The following DLC1 variants were observed in gnomAD, a reference collection of about 807,000 sequenced individuals.
DLC1 encodes rho GTPase-activating protein 7.
In DLC1, 54 loss-of-function variants were observed where a neutral mutation model predicts 140.3. The observed-to-expected ratio is 0.38, with a 90% confidence interval of 0.31 to 0.48. DLC1 has a LOEUF of 0.48. Among genes scored for constraint, DLC1 ranks in the 20% least tolerant of loss-of-function variants. DLC1 has a pLI of 0.96. For synonymous variants in DLC1, 986 were observed against 728.1 expected (o/e 1.35, Z -5.70); for missense variants, 2,536 against 1,907.0 (o/e 1.33, Z -6.14).
chr8:13,092,677 C>G lies in DLC1; in HGVS notation c.3675G>C (p.Leu1225=), dbSNP rs749871608. The G allele has an allele frequency of 6.2e-7, 1 of 1,614,136 alleles. No individual in the cohort carries two copies. The highest frequency in any genetic ancestry group is 2.2e-5 in the East Asian group (1 of 44,868). ...AGAGGGAAGGCGCTAAGCACACGGC[C>G]AGGTTGGTTGGGGTCATCTGGTTTT... The part of the protein sequence containing the change: ...VKENQMTPTN[L]AVCLAPSLFH... Residue 1225 remains leucine, a synonymous_variant, in exon 13 of 18, where the codon CTG becomes CTC. Transcript: ENST00000276297.
In DLC1 at chr8:13,442,709, T is replaced by C. The variant is rs184521171; in HGVS notation, c.1024-41090A>G. Among the ~76,000 whole-genome samples, 6 of 152,250 alleles carry C rather than the reference T, an allele frequency of 3.9e-5. No homozygotes were observed. The East Asian group carries it at 9.6e-4, about 24-fold the overall frequency. ...TCATTAAAAAGTCAGGAAACAACAG[T>C]GCTGGAGAGGATGTGGAGATATAGG... is the stretch of plus-strand genomic sequence containing the variant. On this transcript the variant is annotated intron_variant, in intron 2 of 17. Coordinates refer to ENST00000276297, the MANE Select transcript of DLC1 (RefSeq NM_182643.3).
intron 5 of DLC1, among the ~76,000 whole-genome samples, chr8:13,130,951 G>T (rs1822023386): frequency 6.6e-6 from 1 of 152,184 alleles, no homozygotes; most frequent in African/African-American, 2.4e-5. Flanking sequence ...GTATGCATCT[G>T]CGCTCAGGCC....
chr8:13,417,315 C>T (rs1012771377), intron 2 of DLC1, among the ~76,000 whole-genome samples: 5 of 151,662 alleles, frequency 3.3e-5, no homozygotes, highest in Admixed American at 6.6e-5. Context: ...CCCATTAACT[C>T]GTCATTTAGC....
chr8:13,550,716 G>A (rs1274046933), intron 1 of DLC1, among the ~76,000 whole-genome samples: 3 of 151,970 alleles, frequency 2.0e-5, no homozygotes, highest in Non-Finnish European at 2.9e-5. Flanking sequence ...CTGAATGGAC[G>A]AATCATTTAA....
At chr8:13,109,354 C>T (rs950503474) in intron 7 of DLC1, among the ~76,000 whole-genome samples, 7 of 151,568 alleles carry the variant, frequency 4.6e-5, no homozygotes, top group African/African-American at 1.7e-4. Context: ...CCCAGGAGTT[C>T]AAGACCAGCC....
intron 1 of DLC1, among the ~76,000 whole-genome samples, chr8:13,582,710 C>A (rs965526130): frequency 3.3e-5 from 5 of 150,958 alleles, no homozygotes; most frequent in African/African-American, 1.2e-4. Flanking sequence ...TTTTTCCATT[C>A]ATTCTGTCCC....
At chr8:13,585,620 T>A (rs73563461) in intron 1 of DLC1, among the ~76,000 whole-genome samples, 5,153 of 152,232 alleles carry the variant, frequency 0.034, 141 homozygotes, top group East Asian at 0.14. Flanking sequence ...GAAATTGAGG[T>A]ATCACCAGGG....
At chr8:13,589,128 G>A (rs1014891386) in intron 1 of DLC1, among the ~76,000 whole-genome samples, 3 of 152,084 alleles carry the variant, frequency 2.0e-5, no homozygotes, top group South Asian at 4.1e-4. Flanking sequence ...TTAACCACAC[G>A]ATCCATATTC....
chr8:13,538,529 C>A (rs1002859396), intron 1 of DLC1, among the ~76,000 whole-genome samples: 14 of 151,948 alleles, frequency 9.2e-5, no homozygotes, highest in African/African-American at 3.4e-4. Context: ...TGGCTCGGTT[C>A]TTTGGCTTCA....
chr8:13,389,475 G>A (rs990702064), intron 4 of DLC1, among the ~76,000 whole-genome samples: 2 of 152,068 alleles, frequency 1.3e-5, no homozygotes, highest in African/African-American at 4.8e-5. Flanking sequence ...CAATTTAGGA[G>A]AGAAATTGAT....
At chr8:13,321,607 T>G (rs1163131669) in intron 4 of DLC1, among the ~76,000 whole-genome samples, 1 of 142,372 alleles carries the variant, frequency 7.0e-6, no homozygotes, top group Non-Finnish European at 1.5e-5. Context: ...GTAAAGAGAA[T>G]GTCCCCAATG....
intron 8 of DLC1, 75 bp downstream of exon 8, chr8:13,102,715 T>G: frequency 7.6e-7 from 1 of 1,307,912 alleles, no homozygotes; most frequent in Non-Finnish European, 1.1e-6. Context: ...AAACAAAACC[T>G]ATTACAAAAC....
intron 1 of DLC1, among the ~76,000 whole-genome samples, chr8:13,587,923 C>T (rs542461876): frequency 6.6e-6 from 1 of 151,918 alleles, no homozygotes; most frequent in Non-Finnish European, 1.5e-5. Context: ...AGCAATACAT[C>T]CAATATGAAA....
At position 13,126,530 on chromosome 8, in the gene DLC1, C is replaced by A. The variant is rs141130144; in HGVS notation, c.1349-10873G>T. The stretch of plus-strand genomic sequence containing the variant: ...TGATAACTGCATAGATTAAGAATTT[C>A]AAGAAAGAAAAGTATCTAATTAATA... On this transcript the variant is annotated intron_variant, in intron 5 of 17. Coordinates refer to ENST00000276297, the MANE Select transcript of DLC1 (RefSeq NM_182643.3). Among the ~76,000 whole-genome samples the A allele has an allele frequency of 3.5e-3, 538 of 152,208 alleles. 2 individuals carry two copies. The highest frequency in any genetic ancestry group is 0.012 in the African/African-American group (506 of 41,544).
At chr8:13,431,014 C>T (rs530105846) in intron 2 of DLC1, among the ~76,000 whole-genome samples, 3 of 152,252 alleles carry the variant, frequency 2.0e-5, no homozygotes, top group African/African-American at 4.8e-5. Flanking sequence ...CTATAAAATG[C>T]ATAAGTGCTT....
intron 4 of DLC1, among the ~76,000 whole-genome samples, chr8:13,311,992 G>A (rs186276041): frequency 1.3e-5 from 2 of 152,152 alleles, no homozygotes; most frequent in African/African-American, 4.8e-5. Context: ...GTTTGACAAA[G>A]CTCTGGTTGA....
At chr8:13,452,161 ATT>A (rs1362427516) in intron 2 of DLC1, among the ~76,000 whole-genome samples, 4 of 151,348 alleles carry the variant, frequency 2.6e-5, no homozygotes, top group Non-Finnish European at 5.9e-5. Flanking sequence ...AATGAAAAAT[ATT>A]TGTTAATTTA....
chr8:13,231,889 G>C (rs963081236), intron 5 of DLC1, among the ~76,000 whole-genome samples: 45 of 152,194 alleles, frequency 3.0e-4, no homozygotes, highest in African/African-American at 1.0e-3. Context: ...GAATCTCAGT[G>C]AGTATTTTTA....
chr8:13,360,736 T>C (rs1835184014), intron 4 of DLC1, among the ~76,000 whole-genome samples: 1 of 152,152 alleles, frequency 6.6e-6, no homozygotes, highest in Admixed American at 6.5e-5. Flanking sequence ...TTAGAAAATA[T>C]GAAATGTAGA....
Sources: gnomAD v4.1 joint callset for allele counts (sites outside exome capture counted in the v4.1 genomes callset) on GRCh38, gnomAD v4.1.1 for gene constraint, MANE v1.5 for transcripts, NCBI Gene and HGNC (gene_info 2026-07-23, HGNC 2026-07-21) for gene names.